The following MLLT10 variants were observed in gnomAD, a reference collection of about 807,000 sequenced individuals.
MLLT10 encodes the protein MLLT10 histone lysine methyltransferase DOT1L cofactor.
Under a neutral mutation model 129.1 loss-of-function variants are expected in MLLT10, and 30 were observed. The ratio of observed to expected loss-of-function variants is 0.23; its 90% confidence interval spans 0.17 to 0.32. MLLT10 has a LOEUF of 0.32. MLLT10 is among the 10% of genes least tolerant of loss of function. MLLT10 has a pLI of 1.00. For missense variants in MLLT10, 1,119 were observed against 1,268.3 expected, an observed-to-expected ratio of 0.88 and a Z score of 1.79; for synonymous variants, 490 against 446.4, an observed-to-expected ratio of 1.10 and a Z score of -1.23.
intron 8 of MLLT10, among the ~76,000 whole-genome samples, chr10:21,618,538 T>TAA (rs1453409731): frequency 1.3e-5 from 2 of 152,110 alleles, no homozygotes; most frequent in African/African-American, 2.4e-5. Flanking sequence ...TTTGAGTTAG[T>TAA]GCTTTTTCAA....
At chr10:21,651,914 T>A in intron 9 of MLLT10, 146 bp downstream of exon 9, 1 of 531,590 alleles carries the variant, frequency 1.9e-6, no homozygotes, top group Non-Finnish European at 3.2e-6. Flanking sequence ...TTTTTTTTTT[T>A]TTTTTTTTTT....
chr10:21,682,140 A>T, intron 12 of MLLT10, 85 bp from the exon 13 acceptor site: 1 of 1,095,970 alleles, frequency 9.1e-7, no homozygotes, highest in Non-Finnish European at 1.3e-6. Context: ...AAATTTTATT[A>T]TACTAATTCA....
chr10:21,548,758 T>C (rs535448398), intron 3 of MLLT10, among the ~76,000 whole-genome samples: 17 of 152,244 alleles, frequency 1.1e-4, no homozygotes, highest in Non-Finnish European at 2.2e-4. Flanking sequence ...AATTTTTTTC[T>C]GAGTAAATTT....
intron 3 of MLLT10, among the ~76,000 whole-genome samples, chr10:21,562,345 A>T (rs549988756): frequency 2.9e-4 from 42 of 144,942 alleles, no homozygotes; most frequent in South Asian, 2.0e-3. Context: ...TTATTTATTT[A>T]TTTTTTTTTG....
At chr10:21,660,291 T>C (rs1775382409) in intron 9 of MLLT10, among the ~76,000 whole-genome samples, 1 of 146,768 alleles carries the variant, frequency 6.8e-6, no homozygotes, top group African/African-American at 2.5e-5. Context: ...TTTGCTTACA[T>C]TGGGCTTAAT....
intron 10 of MLLT10, 34 bp from the exon 11 acceptor site, chr10:21,673,308 CACCCCCCA>C (rs769280429): frequency 4.5e-5 from 25 of 556,692 alleles, no homozygotes; most frequent in Non-Finnish European, 5.1e-5. Flanking sequence ...CTGTCCCCCC[CACCCCCCA>C]ACTTTTTTTT....
chr10:21,573,834 C>T (rs991696828), intron 3 of MLLT10, among the ~76,000 whole-genome samples: 3 of 152,086 alleles, frequency 2.0e-5, no homozygotes, highest in Admixed American at 6.6e-5. Context: ...GGATTACTTT[C>T]GTAATCCATG....
At chr10:21,625,567 G>A in intron 8 of MLLT10, 1 of 766,706 alleles carries the variant, frequency 1.3e-6, no homozygotes, top group South Asian at 1.3e-5. Flanking sequence ...CACATTTAAG[G>A]AAGCAGAACC....
chr10:21,663,986 A>G (rs529591774), intron 9 of MLLT10, among the ~76,000 whole-genome samples: 2 of 152,294 alleles, frequency 1.3e-5, no homozygotes, highest in South Asian at 2.1e-4. Context: ...TATATGCTCA[A>G]CGAGAAACCA....
At chr10:21,599,213 A>T (rs2043289062) in intron 5 of MLLT10, among the ~76,000 whole-genome samples, 1 of 149,434 alleles carries the variant, frequency 6.7e-6, no homozygotes, top group Non-Finnish European at 1.5e-5. Context: ...ATGGTAGTGG[A>T]CGCCTGTAAT....
intron 3 of MLLT10, among the ~76,000 whole-genome samples, chr10:21,577,264 T>C (rs1458849722): frequency 2.0e-5 from 3 of 152,218 alleles, no homozygotes; most frequent in African/African-American, 7.2e-5. Flanking sequence ...ACTCATTCAT[T>C]AATTGATAGA....
intron 3 of MLLT10, among the ~76,000 whole-genome samples, chr10:21,570,776 A>G (rs2040117814): frequency 1.3e-5 from 2 of 152,060 alleles, no homozygotes; most frequent in South Asian, 4.1e-4. Context: ...TAATTGTTTT[A>G]AAGGACTTGT....
At chr10:21,563,791 G>GTATTATTATTATTATTAT (rs34367086) in intron 3 of MLLT10, among the ~76,000 whole-genome samples, 106 of 145,650 alleles carry the variant, frequency 7.3e-4, no homozygotes, top group African/African-American at 2.6e-3. Flanking sequence ...CTCACTGTGT[G>GTATTATTATTATTATTAT]TATTATTATT....
chr10:21,545,941 T>C (rs1271766202), intron 3 of MLLT10, among the ~76,000 whole-genome samples: 2 of 152,172 alleles, frequency 1.3e-5, no homozygotes, highest in African/African-American at 2.4e-5. Flanking sequence ...TGTTGGGATT[T>C]CAGGCGTGAG....
intron 5 of MLLT10, among the ~76,000 whole-genome samples, chr10:21,609,012 G>A (rs1433625393): frequency 6.6e-6 from 1 of 152,040 alleles, no homozygotes; most frequent in Non-Finnish European, 1.5e-5. Context: ...ACTGTTGTTT[G>A]TTTGGTCATT....
chr10:21,717,713 CTCT>C (rs1564711177), intron 14 of MLLT10, among the ~76,000 whole-genome samples: 11 of 66,242 alleles, frequency 1.7e-4, no homozygotes, highest in Admixed American at 3.0e-4. Context: ...CCTCCTCCTC[CTCT>C]TCCTCCTCCT....
At position 21,717,712 on chromosome 10, in the gene MLLT10, C is replaced by CTT. The variant is rs2056784895; in HGVS notation, c.1878+3762_1878+3763insTT. On this transcript the variant is annotated intron_variant, in intron 14 of 22. Transcript: ENST00000307729. The stretch of plus-strand genomic sequence containing the variant: ...TCCTCCTCCTCCTCTTCCTCCTCCT[C>CTT]CTCTTCCTCCTCCTCCTCCTCCTCT... Among the ~76,000 whole-genome samples, 2 of 72,796 alleles carry CTT rather than the reference C, an allele frequency of 2.7e-5. 1 individual carries two copies. Among genetic ancestry groups the CTT allele is most frequent in the East Asian group, 1.3e-3 (2 of 1,562 alleles). 47.8% of individuals were successfully genotyped at this position (72,796 alleles called of 152,430 possible). A position where few individuals can be genotyped will look rare whatever the true frequency, so the allele number is the denominator to read the frequency against.
rs369054154 is a variant in MLLT10 at position 21,673,963 on chromosome 10, C to T, written c.1621+44C>T. On this transcript the variant is annotated intron_variant, in intron 11 of 22. Coordinates refer to ENST00000307729, the MANE Select transcript of MLLT10 (RefSeq NM_001195626.3). ...TTATTTTTCTCCTTCACTCCCACCA[C>T]CTCCCTTCTTCTGTCCCAAAACGTT... 5.5e-6 allele frequency: 8 copies of T among 1,444,060 alleles called. No individual in the cohort carries two copies. The East Asian group carries it at 6.9e-5, about 13-fold the overall frequency. The allele number at this position is 1,444,060 out of a possible 1,614,324, so 89.5% of individuals were successfully genotyped here.
intron 8 of MLLT10, chr10:21,625,973 G>A: frequency 1.2e-6 from 1 of 856,406 alleles, no homozygotes; most frequent in Middle Eastern, 2.2e-4. Flanking sequence ...TTGCACACCA[G>A]AGTACACACT....
Sources: gnomAD v4.1 joint callset for allele counts (sites outside exome capture counted in the v4.1 genomes callset) on GRCh38, gnomAD v4.1.1 for gene constraint, MANE v1.5 for transcripts, NCBI Gene and HGNC (gene_info 2026-07-23, HGNC 2026-07-21) for gene names.